Variants in KLHDC10 observed in about 807,000 individuals in gnomAD.
The protein encoded by KLHDC10 is kelch domain containing 10, also known as kelch domain-containing protein 10.
A neutral mutation model predicts 56.1 loss-of-function variants in KLHDC10; 24 were observed. The ratio of observed to expected loss-of-function variants is 0.43; its 90% confidence interval spans 0.31 to 0.60. KLHDC10 has a LOEUF of 0.60. KLHDC10 is among the 20% of genes least tolerant of loss of function. KLHDC10 has a pLI of 0.11. For missense variants in KLHDC10, 349 were observed against 567.0 expected (o/e 0.62, Z 3.91); for synonymous variants, 188 against 207.1 (o/e 0.91, Z 0.79).
chr7:130,098,625 A>G (rs1281652776), intron 2 of KLHDC10, among the ~76,000 whole-genome samples: 1 of 152,140 alleles, frequency 6.6e-6, no homozygotes, highest in Non-Finnish European at 1.5e-5. Context: ...CCAATTTCCA[A>G]TGAGAAATCT....
chr7:130,070,915 C>T, intron 1 of KLHDC10, 106 bp downstream of exon 1: 1 of 748,160 alleles, frequency 1.3e-6, no homozygotes, highest in Non-Finnish European at 1.9e-6. Context: ...AAGGCAGGCC[C>T]CACGCATAGC....
chr7:130,117,849 C>CA (rs60800057), intron 3 of KLHDC10, among the ~76,000 whole-genome samples: 1,506 of 72,948 alleles, frequency 0.021, 30 homozygotes, highest in African/African-American at 0.048. Context: ...GACCCTGTCT[C>CA]AAAAAAAAAA....
chr7:130,111,803 A>G (rs1253213996), intron 2 of KLHDC10, among the ~76,000 whole-genome samples: 2 of 152,234 alleles, frequency 1.3e-5, no homozygotes, highest in Non-Finnish European at 1.5e-5. Context: ...ATGATCCGGC[A>G]GTTCCAAAAA....
chr7:130,094,415 T>A (rs944659600), intron 1 of KLHDC10, among the ~76,000 whole-genome samples: 6 of 152,180 alleles, frequency 3.9e-5, no homozygotes, highest in Admixed American at 6.5e-5. Context: ...ATCACTTTTT[T>A]AAAAAATTAA....
chr7:130,092,025 A>G (rs1004678828), intron 1 of KLHDC10, among the ~76,000 whole-genome samples: 3 of 152,196 alleles, frequency 2.0e-5, no homozygotes, highest in Non-Finnish European at 4.4e-5. Context: ...TGAAAAGACT[A>G]TTTATTCCCC....
At chr7:130,122,830 G>A in intron 5 of KLHDC10, among the ~76,000 whole-genome samples, 1 of 152,200 alleles carries the variant, frequency 6.6e-6, no homozygotes, top group East Asian at 1.9e-4. Flanking sequence ...TTACAGGTGT[G>A]AGCCACCAAG....
chr7:130,094,678 A>G (rs1163140177), intron 1 of KLHDC10, among the ~76,000 whole-genome samples: 2 of 152,108 alleles, frequency 1.3e-5, no homozygotes, highest in Non-Finnish European at 2.9e-5. Context: ...CATTTGCAAT[A>G]TATTGTGAAT....
intron 1 of KLHDC10, among the ~76,000 whole-genome samples, chr7:130,091,250 G>GA (rs1200201986): frequency 6.6e-6 from 1 of 152,118 alleles, no homozygotes; most frequent in African/African-American, 2.4e-5. Flanking sequence ...AGTTTTGTAG[G>GA]AAACTGCCAT....
chr7:130,127,319 G>A lies in KLHDC10; in HGVS notation c.932-85G>A, dbSNP rs75030049. ...ACAAAGGGATTGTTTTGAGTTACAC[G>A]TAGTGTGTCTTTCACTGTGTTATAT... On this transcript the variant is annotated intron_variant, in intron 7 of 9. Coordinates refer to ENST00000335420, the MANE Select transcript of KLHDC10 (RefSeq NM_014997.4). The A allele has an allele frequency of 2.6e-3, 2,779 of 1,055,280 alleles. 52 individuals are homozygous for A. In the African/African-American group the frequency reaches 0.036, roughly 14 times the overall value. The allele number at this position is 1,055,280 out of a possible 1,614,324, so 65.4% of individuals were successfully genotyped here.
intron 1 of KLHDC10, among the ~76,000 whole-genome samples, chr7:130,074,641 G>T (rs1239570285): frequency 7.0e-6 from 1 of 143,412 alleles, no homozygotes; most frequent in Non-Finnish European, 1.5e-5. Flanking sequence ...TTTTTTCTGA[G>T]ATGGAGTCTT....
At position 130,135,504 on chromosome 7, in the gene KLHDC10, T is replaced by A. The variant is rs940679856; in HGVS notation, c.*4758T>A. 2 of 154,390 alleles carry A rather than the reference T, an allele frequency of 1.3e-5. No homozygotes were observed. The highest frequency in any genetic ancestry group is 4.8e-5 in the African/African-American group (2 of 41,520). 9.6% of individuals were successfully genotyped at this position (154,390 alleles called of 1,614,324 possible). On this transcript the variant is annotated 3_prime_UTR_variant, in exon 10 of 10. Coordinates refer to ENST00000335420, the MANE Select transcript of KLHDC10 (RefSeq NM_014997.4). ...TAAAGCTATTTTGCCACAGTCCTGT[T>A]AAATAGTGTGGACGTCCTTTTGCAG...
chr7:130,081,307 A>G (rs901585311), intron 1 of KLHDC10, among the ~76,000 whole-genome samples: 40 of 143,586 alleles, frequency 2.8e-4, no homozygotes, highest in African/African-American at 9.6e-4. Flanking sequence ...CCTCTTTTAT[A>G]TATTTTTTTT....
chr7:130,119,729 A>T (rs1156829781), intron 3 of KLHDC10, among the ~76,000 whole-genome samples: 1 of 151,644 alleles, frequency 6.6e-6, no homozygotes, highest in African/African-American at 2.4e-5. Context: ...CTGTAATCCC[A>T]GCTACTAGGG....
intron 2 of KLHDC10, among the ~76,000 whole-genome samples, chr7:130,099,509 T>C (rs1427520245): frequency 6.6e-6 from 1 of 151,896 alleles, no homozygotes; most frequent in African/African-American, 2.4e-5. Context: ...GACAGAGGAG[T>C]GGCCATGAGG....
intron 2 of KLHDC10, among the ~76,000 whole-genome samples, chr7:130,108,154 G>A (rs1796041358): frequency 6.6e-6 from 1 of 151,864 alleles, no homozygotes; most frequent in Admixed American, 6.6e-5. Context: ...GCCTGAACCC[G>A]GAGGCGGAAG....
intron 4 of KLHDC10, among the ~76,000 whole-genome samples, chr7:130,121,613 A>C (rs1045991848): frequency 6.6e-6 from 1 of 152,246 alleles, no homozygotes; most frequent in South Asian, 2.1e-4. Flanking sequence ...TTTCATTGAA[A>C]AGGGTCCAGT....
chr7:130,127,372 T>C, intron 7 of KLHDC10, 32 bp from the exon 8 acceptor site: 5 of 1,594,330 alleles, frequency 3.1e-6, no homozygotes, highest in Non-Finnish European at 4.3e-6. Flanking sequence ...TTTCTGTAAG[T>C]AATGGAACTT....
Position 130,120,374 on chromosome 7 carries a change from G to A in KLHDC10, c.476-375G>A, listed in dbSNP as rs937942915. Among the ~76,000 whole-genome samples, 1 of 152,182 alleles carries A rather than the reference G, an allele frequency of 6.6e-6. No individual in the cohort carries two copies. The highest frequency in any genetic ancestry group is 1.5e-5 in the Non-Finnish European group (1 of 68,022). On this transcript the variant is annotated intron_variant, in intron 3 of 9. Coordinates refer to ENST00000335420, the MANE Select transcript of KLHDC10 (RefSeq NM_014997.4). The surrounding 1 kb of genome is among the most constrained non-coding windows in gnomAD (Gnocchi z 5.1). Reference sequence around the variant, plus strand: ...TAGTGGAATTAGATCTTTTTCTGCAGAACTTTGTAGTATAGGCTATGTATC... The same window carrying A: ...TAGTGGAATTAGATCTTTTTCTGCAAAACTTTGTAGTATAGGCTATGTATC...
In KLHDC10 at chr7:130,130,770, AC is replaced by A; in HGVS notation, c.*25del. The A allele has an allele frequency of 6.3e-7, 1 of 1,597,566 alleles. No homozygotes were observed. Among genetic ancestry groups the A allele is most frequent in the Non-Finnish European group, 8.6e-7 (1 of 1,164,978 alleles). ...GAGGATTTCTGGACTGTTCATTGAT[AC>A]TGGAAATGTTAATTTAAAGAGACTC... is the stretch of plus-strand genomic sequence containing the variant. On this transcript the variant is annotated 3_prime_UTR_variant, in exon 10 of 10. Transcript: ENST00000335420. The surrounding 1 kb of genome is among the most constrained non-coding windows in gnomAD (Gnocchi z 4.2).
Sources: gnomAD v4.1 joint callset for allele counts (sites outside exome capture counted in the v4.1 genomes callset) on GRCh38, gnomAD v4.1.1 for gene constraint, Gnocchi (gnomAD v3.1) non-coding constraint, MANE v1.5 for transcripts, NCBI Gene and HGNC (gene_info 2026-07-23, HGNC 2026-07-21) for gene names.